The following PKP4 variants were observed in gnomAD, a reference collection of about 807,000 sequenced individuals.
PKP4 encodes the protein plakophilin-4.
Under a neutral mutation model 145.1 loss-of-function variants are expected in PKP4, and 90 were observed. The ratio of observed to expected loss-of-function variants is 0.62; its 90% CI spans 0.52 to 0.74. PKP4 has a LOEUF of 0.74. PKP4 is among the 30% of genes least tolerant of loss of function. The pLI, the probability that PKP4 is intolerant of heterozygous loss-of-function variation, is 0.00. For missense variants in PKP4, 1,340 were observed against 1,482.7 expected, an observed-to-expected ratio of 0.90 and a Z score of 1.58; for synonymous variants, 563 against 577.2, an observed-to-expected ratio of 0.98 and a Z score of 0.35.
At chr2:158,526,546 C>G (rs1444870707) in intron 1 of PKP4, among the ~76,000 whole-genome samples, 1 of 62,186 alleles carries the variant, frequency 1.6e-5, no homozygotes, top group Non-Finnish European at 3.0e-5. Context: ...TGGGCAAAAA[C>G]TGGAAGCATT....
chr2:158,614,258 AC>A (rs2051389016), intron 4 of PKP4, among the ~76,000 whole-genome samples: 2 of 152,238 alleles, frequency 1.3e-5, no homozygotes, highest in Non-Finnish European at 2.9e-5. Flanking sequence ...ATAAAGTAGA[AC>A]TTTTATATAT....
intron 1 of PKP4, among the ~76,000 whole-genome samples, chr2:158,526,750 C>A (rs2042990912): frequency 1.3e-5 from 1 of 78,326 alleles, no homozygotes. Flanking sequence ...TGTCTCAGCC[C>A]AAAATCTCCT....
At chr2:158,548,202 A>AG (rs1452359284) in intron 2 of PKP4, among the ~76,000 whole-genome samples, 1 of 152,220 alleles carries the variant, frequency 6.6e-6, no homozygotes, top group Non-Finnish European at 1.5e-5. Flanking sequence ...CATCTATTTG[A>AG]GGACCAGGAT....
intron 1 of PKP4, among the ~76,000 whole-genome samples, chr2:158,472,931 A>G (rs2105408167): frequency 6.6e-6 from 1 of 152,354 alleles, no homozygotes; most frequent in Admixed American, 6.5e-5. Context: ...CAAAGGTCTA[A>G]TATCCAGCAT....
At chr2:158,577,414 C>T in intron 3 of PKP4, 31 bp downstream of exon 3, 2 of 1,363,074 alleles carry the variant, frequency 1.5e-6, no homozygotes, top group Non-Finnish European at 1.0e-6. Flanking sequence ...TCTTTATGCA[C>T]ACTCAAGTTA....
intron 2 of PKP4, among the ~76,000 whole-genome samples, chr2:158,565,613 G>A (rs2046908813): frequency 1.3e-5 from 2 of 151,992 alleles, no homozygotes; most frequent in South Asian, 4.2e-4. Flanking sequence ...GAAAGCAGGA[G>A]AGTCGGAGAA....
chr2:158,561,795 T>G (rs995906273), intron 2 of PKP4, among the ~76,000 whole-genome samples: 12 of 147,018 alleles, frequency 8.2e-5, no homozygotes, highest in Non-Finnish European at 1.2e-4. Flanking sequence ...AAGTCAGTCT[T>G]TTTTTTTTTT....
intron 4 of PKP4, among the ~76,000 whole-genome samples, chr2:158,615,022 A>G (rs890113735): frequency 2.8e-4 from 42 of 152,024 alleles, no homozygotes; most frequent in African/African-American, 9.4e-4. Flanking sequence ...AAAAAAAAAA[A>G]ATAACTAGTG....
At chr2:158,563,792 C>A (rs1258360479) in intron 2 of PKP4, among the ~76,000 whole-genome samples, 1 of 151,978 alleles carries the variant, frequency 6.6e-6, no homozygotes, top group East Asian at 1.9e-4. Context: ...TTCTTCATAG[C>A]ATCACCAATG....
chr2:158,583,714 TA>T (rs1016402672), intron 3 of PKP4, among the ~76,000 whole-genome samples: 10 of 152,148 alleles, frequency 6.6e-5, no homozygotes, highest in African/African-American at 1.7e-4. Context: ...TTCTTTCTCT[TA>T]AAAAAATTTA....
chr2:158,571,517 A>G (rs1350760542), intron 2 of PKP4, among the ~76,000 whole-genome samples: 1 of 152,192 alleles, frequency 6.6e-6, no homozygotes, highest in Non-Finnish European at 1.5e-5. Context: ...GTGTGGAGGA[A>G]TACATAGTCT....
chr2:158,473,944 G>T (rs1692022809), intron 1 of PKP4, among the ~76,000 whole-genome samples: 1 of 152,120 alleles, frequency 6.6e-6, no homozygotes, highest in Non-Finnish European at 1.5e-5. Flanking sequence ...AAGGAAAGGG[G>T]AGGACTCTGA....
In PKP4 at chr2:158,594,207, C is replaced by T. The variant is rs138277529; in HGVS notation, c.246-8863C>T. Among the ~76,000 whole-genome samples, 3 of 152,240 alleles carry T rather than the reference C, an allele frequency of 2.0e-5. No individual in the cohort carries two copies. The East Asian group carries it at 5.8e-4, about 29-fold the overall frequency. ...AGAGCCTCACTGGTGGAAGGCAACT[C>T]AAGCCTCATGTCCTGTTGCTGATGG... is the stretch of plus-strand genomic sequence containing the variant. On this transcript the variant is annotated intron_variant, in intron 3 of 21. Transcript: ENST00000389759.
intron 9 of PKP4, among the ~76,000 whole-genome samples, chr2:158,638,269 T>G (rs974764240): frequency 2.0e-5 from 3 of 152,246 alleles, no homozygotes. Flanking sequence ...AAAACATCTG[T>G]GTCAGAAGTA....
intron 1 of PKP4, among the ~76,000 whole-genome samples, chr2:158,473,647 T>G (rs1054030561): frequency 3.3e-5 from 5 of 151,042 alleles, no homozygotes; most frequent in Non-Finnish European, 7.4e-5. Context: ...CCCTTGGGTC[T>G]ACTTGAGGGT....
intron 2 of PKP4, among the ~76,000 whole-genome samples, chr2:158,536,353 C>G (rs1186933899): frequency 1.3e-5 from 2 of 152,132 alleles, no homozygotes; most frequent in Non-Finnish European, 2.9e-5. Flanking sequence ...CAACCCCAAA[C>G]ATAATGTCAA....
In PKP4 at chr2:158,625,155, G is replaced by C. The variant is rs368335691; in HGVS notation, c.881G>C (p.Arg294Pro). 1 of 1,614,062 alleles carries C rather than the reference G, an allele frequency of 6.2e-7. No homozygotes were observed. Among genetic ancestry groups the C allele is most frequent in the East Asian group, 2.2e-5 (1 of 44,864 alleles). The change falls in exon 7 of 22, where the codon CGG becomes CCG. Residue 294 changes from arginine to proline, a missense_variant. Arg to Pro is a moderately radical substitution (Grantham distance 103, BLOSUM62 -2). Transcript: ENST00000389759. ...CGGCGGATTGGGTCAGTCACCTCCC[G>C]GCAGACCTCCAATCCCAACGGACCA... ...AIRRIGSVTS[R>P]QTSNPNGPTP...
At chr2:158,676,466 C>T (rs2058020495) in intron 19 of PKP4, among the ~76,000 whole-genome samples, 1 of 152,230 alleles carries the variant, frequency 6.6e-6, no homozygotes, top group African/African-American at 2.4e-5. Flanking sequence ...TACACTGTGC[C>T]TCTTTAGCCG....
In PKP4 at chr2:158,533,271, A is replaced by C. The variant is rs1574339422; in HGVS notation, c.87A>C (p.Glu29Asp). Residue 29 changes from glutamate to aspartate, a missense_variant, in exon 2 of 22, where the codon GAA becomes GAC. Transcript: ENST00000389759. ...CTGCCTCCACTGGCCCAGGCATGGAACCCGAGACCACAGCCACCACTATTC... is the reference window on the plus strand; with the variant it reads ...CTGCCTCCACTGGCCCAGGCATGGACCCCGAGACCACAGCCACCACTATTC... ...QEAASTGPGM[E>D]PETTATTILA... 6.2e-7 allele frequency: 1 copy of C among 1,614,158 alleles called. No individual in the cohort carries two copies. Among genetic ancestry groups the C allele is most frequent in the Non-Finnish European group, 8.5e-7 (1 of 1,180,022 alleles).
Sources: allele counts gnomAD v4.1 joint callset (sites outside exome capture counted in the v4.1 genomes callset), GRCh38; gene constraint gnomAD v4.1.1; transcripts MANE v1.5; gene names NCBI Gene and HGNC (gene_info 2026-07-23, HGNC 2026-07-21).